The following SORBS2 variants were observed in gnomAD, a reference collection of about 807,000 sequenced individuals.
SORBS2 encodes sorbin and SH3 domain-containing protein 2.
Under a neutral mutation model 97.7 loss-of-function variants are expected in SORBS2, and 46 were observed. The observed-to-expected ratio is 0.47, with a 90% confidence interval of 0.37 to 0.60. The LOEUF (loss-of-function observed/expected upper bound fraction) is 0.60, where lower values mean the gene tolerates loss of function less well. Among genes scored for constraint, SORBS2 ranks in the 20% least tolerant of loss-of-function variants. SORBS2 has a pLI of 0.00. For synonymous variants in SORBS2, 476 were observed against 473.4 expected (o/e 1.01, Z -0.07); for missense variants, 1,316 against 1,282.3 (o/e 1.03, Z -0.40).
intron 2 of SORBS2, among the ~76,000 whole-genome samples, chr4:185,691,831 G>A (rs2098101963): frequency 6.6e-6 from 1 of 151,808 alleles, no homozygotes; most frequent in Admixed American, 6.6e-5. Context: ...TGCAAGCTCT[G>A]CCTCCCGGGC....
At chr4:185,596,321 A>G (rs2096086016) in intron 12 of SORBS2, among the ~76,000 whole-genome samples, 1 of 152,146 alleles carries the variant, frequency 6.6e-6, no homozygotes, top group Non-Finnish European at 1.5e-5. Context: ...ATCAACTTTT[A>G]AAGTCCGTAT....
chr4:185,619,415 C>T (rs2096677901), intron 8 of SORBS2, among the ~76,000 whole-genome samples: 2 of 152,138 alleles, frequency 1.3e-5, no homozygotes, highest in African/African-American at 4.8e-5. Flanking sequence ...ATCCCACAGG[C>T]TCTGGACTAC....
chr4:185,849,545 C>T (rs1485805639), intron 1 of SORBS2, among the ~76,000 whole-genome samples: 2 of 151,170 alleles, frequency 1.3e-5, no homozygotes, highest in Non-Finnish European at 1.5e-5. Context: ...GATAATTCCT[C>T]ACTCACATGC....
At chr4:185,875,702 G>A (rs551279052) in intron 1 of SORBS2, among the ~76,000 whole-genome samples, 13 of 152,364 alleles carry the variant, frequency 8.5e-5, no homozygotes, top group African/African-American at 3.1e-4. Context: ...GTAAACCCTG[G>A]AAAGTGCTTT....
At chr4:185,685,595 C>T (rs1306458526) in intron 2 of SORBS2, among the ~76,000 whole-genome samples, 1 of 152,096 alleles carries the variant, frequency 6.6e-6, no homozygotes, top group Non-Finnish European at 1.5e-5. Context: ...GCAGTGGTAC[C>T]ATCACAGCTC....
At chr4:185,950,878 T>A (rs2099276898) in intron 1 of SORBS2, among the ~76,000 whole-genome samples, 1 of 152,156 alleles carries the variant, frequency 6.6e-6, no homozygotes, top group African/African-American at 2.4e-5. Flanking sequence ...AGGAAGGGAA[T>A]AGGGTTCCCA....
chr4:185,777,178 T>G (rs1264677047), intron 1 of SORBS2, among the ~76,000 whole-genome samples: 1 of 152,216 alleles, frequency 6.6e-6, no homozygotes, highest in African/African-American at 2.4e-5. Flanking sequence ...CTTTGAAATC[T>G]CTAATCTGAA....
chr4:185,907,762 C>A (rs1428126777), intron 1 of SORBS2, among the ~76,000 whole-genome samples: 2 of 152,176 alleles, frequency 1.3e-5, no homozygotes, highest in African/African-American at 4.8e-5. Flanking sequence ...CTCCCTCCTT[C>A]CCTCTCTCCT....
Position 185,887,299 on chromosome 4 carries a change from G to T in SORBS2, c.-338+68897C>A, listed in dbSNP as rs529040333. 2.0e-5 allele frequency among the ~76,000 whole-genome samples: 3 copies of T among 152,316 alleles called. No individual in the cohort carries two copies. The East Asian group carries it at 5.8e-4, about 29-fold the overall frequency. On this transcript the variant is annotated intron_variant, in intron 1 of 20. Coordinates refer to the SORBS2 transcript ENST00000284776. ...AAGAGAAGGTGCTCTGTGTATGGAG[G>T]AAGTCTTTGAGCAAGCGAAATTACA...
At chr4:185,886,068 C>T (rs1190264356) in intron 1 of SORBS2, among the ~76,000 whole-genome samples, 4 of 152,114 alleles carry the variant, frequency 2.6e-5, no homozygotes, top group Admixed American at 6.5e-5. Context: ...CAAGCAAATA[C>T]GATGTGTTAC....
chr4:185,743,562 C>T (rs1410820752), intron 2 of SORBS2, among the ~76,000 whole-genome samples: 1 of 152,182 alleles, frequency 6.6e-6, no homozygotes, highest in African/African-American at 2.4e-5. Flanking sequence ...TCCATGTACA[C>T]ACCTAGTAGT....
chr4:185,629,566 T>TTG (rs1349633205), intron 5 of SORBS2, among the ~76,000 whole-genome samples: 1 of 139,990 alleles, frequency 7.1e-6, no homozygotes, highest in African/African-American at 2.9e-5. Context: ...TGTGATTTGT[T>TTG]TTTTTTTTTT....
intron 1 of SORBS2, among the ~76,000 whole-genome samples, chr4:185,819,464 T>C (rs936348155): frequency 2.0e-5 from 3 of 152,216 alleles, no homozygotes; most frequent in African/African-American, 7.2e-5. Flanking sequence ...CATTGCATCC[T>C]GAGTGATAAG....
chr4:185,896,803 G>A (rs1235708109), intron 1 of SORBS2, among the ~76,000 whole-genome samples: 1 of 151,168 alleles, frequency 6.6e-6, no homozygotes, highest in East Asian at 1.9e-4. Flanking sequence ...ACTGGGAAAA[G>A]CCAAGCCACT....
At chr4:185,650,913 G>C (rs1221681707) in intron 2 of SORBS2, among the ~76,000 whole-genome samples, 2 of 152,062 alleles carry the variant, frequency 1.3e-5, no homozygotes, top group Non-Finnish European at 2.9e-5. Flanking sequence ...TTGGAGATAG[G>C]AGCACAATCC....
At chr4:185,667,065 C>T (rs143997830) in intron 4 of SORBS2, among the ~76,000 whole-genome samples, 7 of 152,296 alleles carry the variant, frequency 4.6e-5, no homozygotes, top group East Asian at 1.9e-4. Context: ...TTTGACCACA[C>T]GTGACAAATA....
At chr4:185,681,694 C>T (rs1165712341) in intron 2 of SORBS2, among the ~76,000 whole-genome samples, 1 of 152,124 alleles carries the variant, frequency 6.6e-6, no homozygotes, top group Non-Finnish European at 1.5e-5. Context: ...TCTTACCAGC[C>T]CTTTTCCTTG....
intron 1 of SORBS2, among the ~76,000 whole-genome samples, chr4:185,911,479 C>T (rs2099255037): frequency 6.6e-6 from 1 of 152,096 alleles, no homozygotes; most frequent in African/African-American, 2.4e-5. Context: ...CCCACCCCAG[C>T]CTCTCAAAGT....
chr4:185,818,635 G>T (rs1487278727), intron 1 of SORBS2, among the ~76,000 whole-genome samples: 1 of 151,774 alleles, frequency 6.6e-6, no homozygotes, highest in Non-Finnish European at 1.5e-5. Context: ...GACCATCCTG[G>T]CTAACACGGT....
Sources: allele counts gnomAD v4.1 joint callset (sites outside exome capture counted in the v4.1 genomes callset), GRCh38; gene constraint gnomAD v4.1.1; transcripts MANE v1.5; gene names NCBI Gene and HGNC (gene_info 2026-07-23, HGNC 2026-07-21).